The following HIPK2 variants were observed in gnomAD, a reference collection of about 807,000 sequenced individuals.
HIPK2 encodes the protein homeodomain interacting protein kinase 2.
A neutral mutation model predicts 113.7 loss-of-function variants in HIPK2; 27 were observed. The observed-to-expected ratio is 0.24, with a 90% confidence interval of 0.17 to 0.33. The LOEUF is 0.33. HIPK2 is among the 10% of genes least tolerant of loss of function. The pLI, the probability that HIPK2 is intolerant of heterozygous loss-of-function variation, is 1.00. For missense variants in HIPK2, 1,257 were observed against 1,588.0 expected (o/e 0.79, Z 3.54); for synonymous variants, 631 against 642.2 (o/e 0.98, Z 0.26).
At chr7:139,755,821 C>G (rs969823947) in intron 1 of HIPK2, among the ~76,000 whole-genome samples, 4 of 152,228 alleles carry the variant, frequency 2.6e-5, no homozygotes. Flanking sequence ...GAATCTGCCT[C>G]CTGTGGCTTT....
chr7:139,747,117 C>T (rs1403877971), intron 1 of HIPK2, among the ~76,000 whole-genome samples: 8 of 152,110 alleles, frequency 5.3e-5, no homozygotes, highest in African/African-American at 1.7e-4. Context: ...CAAATACTGC[C>T]CAGTTGGGGT....
intron 10 of HIPK2, among the ~76,000 whole-genome samples, chr7:139,600,862 T>A (rs1799399735): frequency 6.6e-6 from 1 of 152,220 alleles, no homozygotes; most frequent in South Asian, 2.1e-4. Context: ...CTCCAAGTTT[T>A]TAAGTTCTAG....
In HIPK2 at chr7:139,600,484, C is replaced by G; in HGVS notation, c.2368G>C (p.Val790Leu). The change falls in exon 11 of 15, where the codon GTG (valine) becomes CTG (leucine). Residue 790 changes from valine (V) to leucine (L), a missense_variant. Val to Leu is a conservative substitution (Grantham distance 32). Transcript: ENST00000406875. Reference sequence around the variant, plus strand: ...GTGCTGGTTGGCTGCTGCCGCATCACGTGGGCCACACCCACATTTAAGGGC... The same window carrying G: ...GTGCTGGTTGGCTGCTGCCGCATCAGGTGGGCCACACCCACATTTAAGGGC... ...AQPLNVGVAHVMRQQPTSTTS... is the reference protein window; with the variant it reads ...AQPLNVGVAHLMRQQPTSTTS... The G allele has an allele frequency of 6.2e-7, 1 of 1,614,044 alleles. No homozygotes were observed. The highest frequency in any genetic ancestry group is 1.1e-5 in the South Asian group (1 of 91,090).
intron 2 of HIPK2, among the ~76,000 whole-genome samples, chr7:139,676,632 T>C (rs1352916444): frequency 6.6e-6 from 1 of 152,160 alleles, no homozygotes; most frequent in African/African-American, 2.4e-5. Context: ...AAGCTAGATA[T>C]GAGTCCCCCT....
intron 2 of HIPK2, among the ~76,000 whole-genome samples, chr7:139,707,137 A>G (rs1794924451): frequency 6.6e-6 from 1 of 152,230 alleles, no homozygotes; most frequent in Admixed American, 6.5e-5. Flanking sequence ...ACAGCAGCCC[A>G]GAATCATGGG....
intron 2 of HIPK2, among the ~76,000 whole-genome samples, chr7:139,700,096 TAG>T (rs1237669157): frequency 3.3e-5 from 5 of 152,102 alleles, no homozygotes; most frequent in Non-Finnish European, 7.4e-5. Flanking sequence ...TGGCGCTCTC[TAG>T]AGGGCAGGAC....
intron 2 of HIPK2, among the ~76,000 whole-genome samples, chr7:139,706,690 G>C (rs184789972): frequency 6.6e-6 from 1 of 152,180 alleles, no homozygotes; most frequent in East Asian, 1.9e-4. Flanking sequence ...CTGCTCACAC[G>C]GGAGGTAGAG....
At chr7:139,599,208 C>T (rs777207495) in intron 11 of HIPK2, among the ~76,000 whole-genome samples, 8 of 149,792 alleles carry the variant, frequency 5.3e-5, no homozygotes, top group Non-Finnish European at 8.9e-5. Context: ...GTCACACGAT[C>T]TCTCTCTCTC....
chr7:139,622,432 T>C (rs1176140613), intron 6 of HIPK2, among the ~76,000 whole-genome samples: 4 of 152,370 alleles, frequency 2.6e-5, no homozygotes, highest in African/African-American at 9.6e-5. Flanking sequence ...CTTTTTGGAA[T>C]GGGCTTAAAG....
At chr7:139,596,272 AT>A in intron 12 of HIPK2, among the ~76,000 whole-genome samples, 1 of 152,222 alleles carries the variant, frequency 6.6e-6, no homozygotes. Flanking sequence ...GTTTTGAAAG[AT>A]TAGGTTAATC....
chr7:139,600,740 G>A (rs1054498518), intron 10 of HIPK2, 144 bp from the exon 11 acceptor site: 5 of 856,910 alleles, frequency 5.8e-6, no homozygotes, highest in South Asian at 3.6e-5. Context: ...GATGAGCCTG[G>A]CCATGTGTGC....
rs1798314122 is a variant in HIPK2, at chr7:139,572,508, T to G, written c.*419A>C. 1 of 163,696 alleles carries G rather than the reference T, an allele frequency of 6.1e-6. No individual in the cohort carries two copies. The highest frequency in any genetic ancestry group is 2.4e-5 in the African/African-American group (1 of 41,882). The allele number at this position is 163,696 out of a possible 1,614,324, so 10.1% of individuals were successfully genotyped here. A position where few individuals can be genotyped will look rare whatever the true frequency, so the allele number is the denominator to read the frequency against. ...ATCTTTGAAAAGTTCATAAAGTTCT[T>G]CAAAAACTGGGGCCCCCCGTTTCTG... On this transcript the variant is annotated 3_prime_UTR_variant, in exon 15 of 15. Coordinates refer to ENST00000406875, the MANE Select transcript of HIPK2 (RefSeq NM_022740.5).
intron 12 of HIPK2, among the ~76,000 whole-genome samples, chr7:139,596,191 C>T (rs1228929736): frequency 1.3e-5 from 2 of 152,218 alleles, no homozygotes; most frequent in Non-Finnish European, 2.9e-5. Context: ...AGGAAGCACA[C>T]AAAGACTAAA....
At chr7:139,619,244 A>G (rs577898515) in intron 7 of HIPK2, among the ~76,000 whole-genome samples, 45 of 152,348 alleles carry the variant, frequency 3.0e-4, no homozygotes, top group African/African-American at 1.0e-3. Context: ...GGACCTTTCA[A>G]AAAGAATGGA....
chr7:139,752,290 G>A (rs1363182639), intron 1 of HIPK2, among the ~76,000 whole-genome samples: 1 of 152,162 alleles, frequency 6.6e-6, no homozygotes, highest in Non-Finnish European at 1.5e-5. Flanking sequence ...TGGCTCCAGT[G>A]TCCCCCAGAC....
intron 2 of HIPK2, among the ~76,000 whole-genome samples, chr7:139,634,551 C>G (rs1800739045): frequency 6.6e-6 from 1 of 152,044 alleles, no homozygotes; most frequent in South Asian, 2.1e-4. Flanking sequence ...CCCAGGTTCA[C>G]TCATCATTGT....
chr7:139,757,118 T>C (rs914373708), intron 1 of HIPK2, among the ~76,000 whole-genome samples: 1 of 152,154 alleles, frequency 6.6e-6, no homozygotes, highest in Non-Finnish European at 1.5e-5. Flanking sequence ...CCTGAAAAGA[T>C]GAGACACAGA....
intron 2 of HIPK2, among the ~76,000 whole-genome samples, chr7:139,685,186 T>C (rs1794179724): frequency 6.6e-6 from 1 of 152,218 alleles, no homozygotes; most frequent in Non-Finnish European, 1.5e-5. Context: ...TTCTTTTTTG[T>C]TTGAGACAGG....
chr7:139,709,231 C>A (rs771514411), intron 2 of HIPK2, among the ~76,000 whole-genome samples: 17 of 152,172 alleles, frequency 1.1e-4, no homozygotes, highest in Non-Finnish European at 2.4e-4. Flanking sequence ...CAGTTCACTT[C>A]ATATCTTCAA....
Sources: allele counts gnomAD v4.1 joint callset (sites outside exome capture counted in the v4.1 genomes callset), GRCh38; gene constraint gnomAD v4.1.1; transcripts MANE v1.5; gene names NCBI Gene and HGNC (gene_info 2026-07-23, HGNC 2026-07-21).